CFAP20DC: variants seen among roughly 807,000 people sequenced by gnomAD.
CFAP20DC encodes protein CFAP20DC.
Under a neutral mutation model 101.7 loss-of-function variants are expected in CFAP20DC, and 84 were observed. That is an observed-to-expected ratio of 0.83 (90% confidence interval 0.69 to 0.99). CFAP20DC has a LOEUF of 0.99. CFAP20DC is among the 50% of genes least tolerant of loss of function. The pLI, the probability that CFAP20DC is intolerant of heterozygous loss-of-function variation, is 0.00. For synonymous variants in CFAP20DC, 359 were observed against 351.2 expected (o/e 1.02, Z -0.25); for missense variants, 1,007 against 970.3 (o/e 1.04, Z -0.50).
chr3:58,966,280 G>A (rs2091517899), intron 4 of CFAP20DC, among the ~76,000 whole-genome samples: 1 of 152,180 alleles, frequency 6.6e-6, no homozygotes, highest in Non-Finnish European at 1.5e-5. Context: ...GAGGCAGAGA[G>A]GAGGTCTTGG....
chr3:58,920,613 T>C (rs1432675322), intron 5 of CFAP20DC, among the ~76,000 whole-genome samples: 1 of 152,196 alleles, frequency 6.6e-6, no homozygotes, highest in Non-Finnish European at 1.5e-5. Flanking sequence ...ATTTTCCCCC[T>C]TTATTATGCT....
At chr3:58,893,821 T>A (rs114773002) in intron 6 of CFAP20DC, among the ~76,000 whole-genome samples, 4,158 of 152,048 alleles carry the variant, frequency 0.027, 87 homozygotes, top group African/African-American at 0.049. Context: ...TAGTCTGTTT[T>A]CATGCTGCTG....
intron 12 of CFAP20DC, among the ~76,000 whole-genome samples, chr3:58,854,825 A>G (rs560792531): frequency 6.8e-6 from 1 of 147,204 alleles, no homozygotes; most frequent in Non-Finnish European, 1.5e-5. Context: ...CACCTTATAC[A>G]AAAATCAATT....
chr3:58,947,979 G>A (rs933632660), intron 4 of CFAP20DC, among the ~76,000 whole-genome samples: 13 of 152,112 alleles, frequency 8.5e-5, no homozygotes, highest in African/African-American at 2.7e-4. Flanking sequence ...CAAGGGTTAC[G>A]GGCTGCCTTT....
rs1575515876 is a variant in CFAP20DC, at chr3:58,728,316, G to A, written c.198-10688C>T. On this transcript the variant is annotated intron_variant, in intron 3 of 3. Transcript: ENST00000486145. The surrounding 1 kb of genome is among the most constrained non-coding windows in gnomAD (Gnocchi z 4.7). ...TGGCTGTCCCATTGGGGAGGAAATT[G>A]GAAGAAGATTCACGTCCTCATATTA... Among the ~76,000 whole-genome samples, 1 of 152,156 alleles carries A rather than the reference G, an allele frequency of 6.6e-6. No individual in the cohort carries two copies. The highest frequency in any genetic ancestry group is 1.5e-5 in the Non-Finnish European group (1 of 68,018).
intron 4 of CFAP20DC, among the ~76,000 whole-genome samples, chr3:59,004,667 A>T (rs1182203097): frequency 6.6e-6 from 1 of 152,230 alleles, no homozygotes; most frequent in Non-Finnish European, 1.5e-5. Flanking sequence ...AAATCTGAAG[A>T]TTTGGTAAAC....
chr3:58,852,642 C>A (rs1207009966), intron 12 of CFAP20DC, among the ~76,000 whole-genome samples: 1 of 149,966 alleles, frequency 6.7e-6, no homozygotes. Flanking sequence ...ATCTCTCAGA[C>A]CACAGTGCAA....
intron 4 of CFAP20DC, among the ~76,000 whole-genome samples, chr3:58,939,622 C>T (rs948356398): frequency 6.6e-6 from 1 of 151,778 alleles, no homozygotes; most frequent in Non-Finnish European, 1.5e-5. Flanking sequence ...CCATGCCTGG[C>T]TAATTTTTCG....
At chr3:58,910,042 C>A (rs939134574) in intron 6 of CFAP20DC, among the ~76,000 whole-genome samples, 1 of 152,220 alleles carries the variant, frequency 6.6e-6, no homozygotes, top group East Asian at 1.9e-4. Flanking sequence ...ACTTCATCCA[C>A]GTCCCTGCAA....
In CFAP20DC at chr3:58,899,308, A is replaced by T. The variant is rs2082940654; in HGVS notation, c.550+14400T>A. ...TTGGAACTGCTGAGTTGCCTAAACC[A>T]CAGAGATGTTGGCCACCCCTCCCAC... On this transcript the variant is annotated intron_variant, in intron 6 of 16. Coordinates refer to ENST00000482387, the MANE Select transcript of CFAP20DC (RefSeq NM_001394063.1). This position sits in a 1 kb window ranked among gnomAD's most constrained non-coding sequence, Gnocchi z 5.0. Among the ~76,000 whole-genome samples the T allele has an allele frequency of 6.6e-6, 1 of 152,192 alleles. No homozygotes were observed. Among genetic ancestry groups the T allele is most frequent in the South Asian group, 2.1e-4 (1 of 4,832 alleles).
intron 15 of CFAP20DC, among the ~76,000 whole-genome samples, chr3:58,762,040 A>G (rs2069664181): frequency 6.6e-6 from 1 of 152,262 alleles, no homozygotes; most frequent in Middle Eastern, 3.4e-3. Context: ...AGTTCTGTAG[A>G]TGTCTATTAG....
chr3:58,814,587 T>A (rs1197739370), intron 14 of CFAP20DC, among the ~76,000 whole-genome samples: 1 of 151,376 alleles, frequency 6.6e-6, no homozygotes, highest in Non-Finnish European at 1.5e-5. Flanking sequence ...GCAGATGACA[T>A]GATTGTATAT....
rs1429461638 is a variant in CFAP20DC at position 58,866,586 on chromosome 3, G to T, written c.1238C>A (p.Pro413His). 6.2e-7 allele frequency: 1 copy of T among 1,611,758 alleles called. No homozygotes were observed. The highest frequency in any genetic ancestry group is 1.1e-5 in the South Asian group (1 of 90,710). The change falls in exon 11 of 17, where the codon CCC becomes CAC. Residue 413 changes from proline (P) to histidine (H), a missense_variant. Pro to His is a moderately conservative substitution (Grantham distance 77, BLOSUM62 -2). Transcript: ENST00000482387. The part of the protein sequence containing the change: ...AELLNSGTLG[P>H]QSPDQSDEWI... Reference sequence around the variant, plus strand: ...CCAACCTGATTGATCAGGAGACTGGGGTCCTAGAGTGCCGGAGTTCAACAG... The same window carrying T: ...CCAACCTGATTGATCAGGAGACTGGTGTCCTAGAGTGCCGGAGTTCAACAG...
intron 15 of CFAP20DC, among the ~76,000 whole-genome samples, chr3:58,778,666 C>T (rs947956383): frequency 6.6e-6 from 1 of 152,322 alleles, no homozygotes; most frequent in South Asian, 2.1e-4. Flanking sequence ...AATTGGCCTG[C>T]CTGGACCCAC....
At chr3:58,865,492 CT>C (rs2079609893) in intron 11 of CFAP20DC, among the ~76,000 whole-genome samples, 1 of 152,140 alleles carries the variant, frequency 6.6e-6, no homozygotes, top group Admixed American at 6.5e-5. Context: ...CAATGGCAGG[CT>C]GAGTCTAGTT....
chr3:58,804,497 G>C (rs2073921947), intron 15 of CFAP20DC, among the ~76,000 whole-genome samples: 1 of 151,762 alleles, frequency 6.6e-6, no homozygotes, highest in Non-Finnish European at 1.5e-5. Flanking sequence ...TGAGTAGCTG[G>C]GATTATAGGC....
Position 58,918,260 on chromosome 3 carries a change from T to C in CFAP20DC, c.394-4396A>G, listed in dbSNP as rs1244938122. On this transcript the variant is annotated intron_variant, in intron 5 of 16. Coordinates refer to ENST00000482387, the MANE Select transcript of CFAP20DC (RefSeq NM_001394063.1). The stretch of plus-strand genomic sequence containing the variant: ...GGGGCTGGGAGGCAGTGGGAGAGGG[T>C]GTACGTTTCTGACTTGGAATTCTAT... Among the ~76,000 whole-genome samples, 16 of 152,126 alleles carry C rather than the reference T, an allele frequency of 1.1e-4. 1 individual carries two copies. The East Asian group carries it at 2.7e-3, about 26-fold the overall frequency.
At chr3:58,767,123 G>T (rs367857472) in intron 15 of CFAP20DC, among the ~76,000 whole-genome samples, 3 of 152,280 alleles carry the variant, frequency 2.0e-5, no homozygotes, top group African/African-American at 7.2e-5. Context: ...CCAAATGTAT[G>T]ACTATTGAAA....
chr3:58,830,314 C>A (rs772857390), intron 14 of CFAP20DC, among the ~76,000 whole-genome samples: 4 of 152,162 alleles, frequency 2.6e-5, no homozygotes, highest in Non-Finnish European at 4.4e-5. Flanking sequence ...CACTGGATAA[C>A]ACTCATTTGA....
Sources: gnomAD v4.1 joint callset for allele counts (sites outside exome capture counted in the v4.1 genomes callset) on GRCh38, gnomAD v4.1.1 for gene constraint, Gnocchi (gnomAD v3.1) non-coding constraint, MANE v1.5 for transcripts, NCBI Gene and HGNC (gene_info 2026-07-23, HGNC 2026-07-21) for gene names.